HIGD1C: variants seen among roughly 807,000 people sequenced by gnomAD.
The protein encoded by HIGD1C is HIG1 domain family member 1C.
In HIGD1C, 11 loss-of-function variants were observed where a neutral mutation model predicts 13.1. That is an observed-to-expected ratio of 0.84 (90% CI 0.53 to 1.39). HIGD1C has a LOEUF of 1.39. Among genes scored for constraint, HIGD1C ranks in the 40% most tolerant of loss-of-function variants. The pLI, the probability that HIGD1C is intolerant of heterozygous loss-of-function variation, is 0.00. For missense variants in HIGD1C, 110 were observed against 112.0 expected (o/e 0.98, Z 0.08); for synonymous variants, 36 against 37.7 (o/e 0.95, Z 0.17).
the HIGD1C span, among the ~76,000 whole-genome samples, chr12:50,937,551 A>C: frequency 3.0e-4 from 45 of 152,228 alleles, no homozygotes; most frequent in African/African-American, 1.1e-3. Flanking sequence ...GGGTTGCAGA[A>C]GGGTGGTGTG....
downstream of HIGD1C, chr12:50,970,515 T>C (rs1215401309): frequency 6.7e-6 from 10 of 1,498,830 alleles, no homozygotes; most frequent in East Asian, 2.2e-4. Flanking sequence ...GAAGCTTACA[T>C]GCTGGAAGCA....
At chr12:50,935,968 G>A in the HIGD1C span, among the ~76,000 whole-genome samples, 1 of 152,058 alleles carries the variant, frequency 6.6e-6, no homozygotes, top group Non-Finnish European at 1.5e-5. Flanking sequence ...GACCAGCCTG[G>A]CCAACATGTT....
At chr12:50,954,836 T>C (rs977112465) in intron 1 of HIGD1C, among the ~76,000 whole-genome samples, 1 of 152,176 alleles carries the variant, frequency 6.6e-6, no homozygotes, top group Non-Finnish European at 1.5e-5. Context: ...TGTGGGTCAA[T>C]TCAGAGGAAA....
upstream of HIGD1C, among the ~76,000 whole-genome samples, chr12:50,950,382 T>A (rs2139774478): frequency 6.6e-6 from 1 of 152,174 alleles, no homozygotes; most frequent in South Asian, 2.1e-4. Context: ...TAAAATAAAA[T>A]AAAAATAATC....
At chr12:50,958,658 AG>A (rs1432998529) in intron 1 of HIGD1C, among the ~76,000 whole-genome samples, 2 of 152,112 alleles carry the variant, frequency 1.3e-5, no homozygotes, top group Non-Finnish European at 2.9e-5. Flanking sequence ...ATATTGCTAC[AG>A]TAATCAACAT....
At chr12:50,944,119 G>C in the HIGD1C span, among the ~76,000 whole-genome samples, 1 of 151,930 alleles carries the variant, frequency 6.6e-6, no homozygotes, top group Admixed American at 6.6e-5. Context: ...ACAAAAAAAT[G>C]AGCCACTGAG....
At chr12:50,945,409 C>G in the HIGD1C span, among the ~76,000 whole-genome samples, 1 of 152,088 alleles carries the variant, frequency 6.6e-6, no homozygotes, top group Non-Finnish European at 1.5e-5. Flanking sequence ...AATCAATGTG[C>G]AAAAATCATA....
chr12:50,956,137 A>G (rs776475509), intron 1 of HIGD1C, among the ~76,000 whole-genome samples: 4 of 152,244 alleles, frequency 2.6e-5, no homozygotes, highest in Non-Finnish European at 5.9e-5. Context: ...CATGCCTGTA[A>G]TCCCAACACT....
chr12:50,938,478 G>C, the HIGD1C span, among the ~76,000 whole-genome samples: 20 of 152,174 alleles, frequency 1.3e-4, no homozygotes, highest in Admixed American at 4.6e-4. Flanking sequence ...AACCGTGGCT[G>C]GCCAGCTGCA....
upstream of HIGD1C, among the ~76,000 whole-genome samples, chr12:50,951,213 A>G (rs1464406909): frequency 6.6e-6 from 1 of 152,224 alleles, no homozygotes; most frequent in African/African-American, 2.4e-5. Flanking sequence ...ACGTTAATCC[A>G]CATGATGAAA....
the HIGD1C span, among the ~76,000 whole-genome samples, chr12:50,936,838 A>T: frequency 6.6e-6 from 1 of 152,232 alleles, no homozygotes; most frequent in African/African-American, 2.4e-5. Context: ...ACCAGAATAC[A>T]CTGTCTCCTT....
At chr12:50,964,389 C>T (rs1939463387) in intron 2 of HIGD1C, among the ~76,000 whole-genome samples, 1 of 152,238 alleles carries the variant, frequency 6.6e-6, no homozygotes, top group Non-Finnish European at 1.5e-5. Flanking sequence ...GATTATTAGG[C>T]ATCCTGCCTG....
At chr12:50,952,726 C>T (rs1181100305), upstream of HIGD1C, among the ~76,000 whole-genome samples, 4 of 152,218 alleles carry the variant, frequency 2.6e-5, no homozygotes, top group African/African-American at 4.8e-5. Flanking sequence ...GTGAGCCCGG[C>T]GGGCTCTCAT....
chr12:50,972,170 T>C (rs1939778490), downstream of HIGD1C, among the ~76,000 whole-genome samples: 1 of 152,218 alleles, frequency 6.6e-6, no homozygotes, highest in East Asian at 1.9e-4. Context: ...CAATGAAAAG[T>C]ATTTCTAACC....
intron 2 of HIGD1C, among the ~76,000 whole-genome samples, chr12:50,968,243 G>A (rs1295022754): frequency 1.3e-5 from 2 of 152,188 alleles, no homozygotes; most frequent in Admixed American, 1.3e-4. Context: ...ACTGGGGACT[G>A]AAGTCAGTAA....
chr12:50,972,527 G>A (rs1311184753), downstream of HIGD1C, among the ~76,000 whole-genome samples: 2 of 152,150 alleles, frequency 1.3e-5, no homozygotes, highest in Admixed American at 6.6e-5. Context: ...CAAGATGGCC[G>A]AATAGGAACA....
intron 1 of HIGD1C, among the ~76,000 whole-genome samples, chr12:50,956,115 G>A (rs377358025): frequency 6.6e-6 from 1 of 152,212 alleles, no homozygotes; most frequent in Non-Finnish European, 1.5e-5. Flanking sequence ...TGGTAGGCTG[G>A]GCACAGTGGC....
At chr12:50,943,303 G>C in the HIGD1C span, among the ~76,000 whole-genome samples, 1 of 152,166 alleles carries the variant, frequency 6.6e-6, no homozygotes, top group Non-Finnish European at 1.5e-5. Flanking sequence ...GTTTGCCTCT[G>C]TGCAGTTCCA....
chr12:50,967,422 C>T lies in HIGD1C; in HGVS notation c.230-3020C>T, dbSNP rs553428257. Among the ~76,000 whole-genome samples, 8 of 152,178 alleles carry T rather than the reference C, an allele frequency of 5.3e-5. No homozygotes were observed. In the South Asian group the frequency reaches 1.2e-3, roughly 24 times the overall value. The stretch of plus-strand genomic sequence containing the variant: ...TCAGCCTCTCAAAGTGCTGGGATTA[C>T]GGGCATGAGCTACCAGACCTGGCCT... On this transcript the variant is annotated intron_variant, in intron 2 of 2. Coordinates refer to ENST00000398455, the Ensembl canonical transcript of HIGD1C.
Sources: allele counts gnomAD v4.1 joint callset (sites outside exome capture counted in the v4.1 genomes callset), GRCh38; gene constraint gnomAD v4.1.1; transcripts MANE v1.5; gene names NCBI Gene and HGNC (gene_info 2026-07-23, HGNC 2026-07-21).